Variants in GPC5 observed in about 807,000 individuals in gnomAD.
The protein encoded by GPC5 is glypican-5.
GPC5 carries 47 observed loss-of-function variants against 53.9 expected under a neutral mutation model. That is an observed-to-expected ratio of 0.87 (90% CI 0.69 to 1.11). The LOEUF is 1.11. Among genes scored for constraint, GPC5 ranks in the 50% most tolerant of loss-of-function variants. GPC5 has a pLI of 0.00. For synonymous variants in GPC5, 286 were observed against 263.3 expected, an observed-to-expected ratio of 1.09 and a Z score of -0.84; for missense variants, 748 against 713.1, an observed-to-expected ratio of 1.05 and a Z score of -0.56.
chr13:91,683,502 C>T (rs986812997), intron 2 of GPC5, among the ~76,000 whole-genome samples: 1 of 152,178 alleles, frequency 6.6e-6, no homozygotes, highest in Non-Finnish European at 1.5e-5. Flanking sequence ...TGCTCCTATG[C>T]TCCCCTGGCA....
At chr13:92,588,632 C>T (rs1018079296) in intron 7 of GPC5, among the ~76,000 whole-genome samples, 6 of 152,162 alleles carry the variant, frequency 3.9e-5, no homozygotes, top group African/African-American at 1.2e-4. Context: ...TGGCCCTGTC[C>T]TTTCTATGTG....
At chr13:92,216,601 T>A (rs1046773875) in intron 7 of GPC5, among the ~76,000 whole-genome samples, 22 of 152,158 alleles carry the variant, frequency 1.4e-4, no homozygotes, top group African/African-American at 5.3e-4. Flanking sequence ...ATAGCTAATA[T>A]TTATAGAGCA....
At chr13:91,921,172 G>GGT (rs1234834960) in intron 6 of GPC5, among the ~76,000 whole-genome samples, 1 of 151,870 alleles carries the variant, frequency 6.6e-6, no homozygotes, top group Non-Finnish European at 1.5e-5. Flanking sequence ...CTTGACCTCA[G>GGT]GTGATTCATC....
At chr13:92,692,939 C>G (rs933625152) in intron 7 of GPC5, among the ~76,000 whole-genome samples, 7 of 151,650 alleles carry the variant, frequency 4.6e-5, no homozygotes, top group African/African-American at 1.5e-4. Context: ...AGGGAGAGAC[C>G]TGGTGGGAGG....
chr13:92,778,520 CA>C (rs1269765007), intron 7 of GPC5, among the ~76,000 whole-genome samples: 1 of 152,214 alleles, frequency 6.6e-6, no homozygotes, highest in African/African-American at 2.4e-5. Flanking sequence ...ATTTAAGAAA[CA>C]GATAACATGT....
chr13:92,421,891 T>C (rs1483772525), intron 7 of GPC5, among the ~76,000 whole-genome samples: 1 of 151,830 alleles, frequency 6.6e-6, no homozygotes. Flanking sequence ...GTAAGAACTC[T>C]ATCACGATAA....
At chr13:92,316,054 A>C (rs187194268) in intron 7 of GPC5, among the ~76,000 whole-genome samples, 1 of 152,324 alleles carries the variant, frequency 6.6e-6, no homozygotes, top group African/African-American at 2.4e-5. Context: ...GAATTCGATC[A>C]GAGGGTTTTT....
chr13:91,942,182 C>G (rs1594677500), intron 6 of GPC5, among the ~76,000 whole-genome samples: 1 of 152,014 alleles, frequency 6.6e-6, no homozygotes, highest in Admixed American at 6.6e-5. Flanking sequence ...TTTATGTAAG[C>G]TTCAATTTAC....
intron 7 of GPC5, among the ~76,000 whole-genome samples, chr13:92,357,113 A>G (rs1482267457): frequency 6.6e-6 from 1 of 151,762 alleles, no homozygotes; most frequent in Non-Finnish European, 1.5e-5. Flanking sequence ...TATCCAATGT[A>G]TCATTGATGG....
intron 7 of GPC5, among the ~76,000 whole-genome samples, chr13:92,551,818 T>G (rs1400961987): frequency 6.6e-6 from 1 of 151,764 alleles, no homozygotes; most frequent in East Asian, 1.9e-4. Context: ...AATAGAAAAC[T>G]AATCAAAATT....
intron 7 of GPC5, among the ~76,000 whole-genome samples, chr13:92,861,973 C>A (rs1410052093): frequency 6.6e-6 from 1 of 152,172 alleles, no homozygotes. Flanking sequence ...AAAATGCTCT[C>A]ATTTGAAAGT....
chr13:92,051,118 C>G (rs1056051880), intron 6 of GPC5, among the ~76,000 whole-genome samples: 2 of 151,750 alleles, frequency 1.3e-5, no homozygotes, highest in African/African-American at 4.8e-5. Context: ...ACATATGACT[C>G]TTTCAGGGAA....
At chr13:92,565,068 A>G (rs1164739748) in intron 7 of GPC5, among the ~76,000 whole-genome samples, 9 of 152,010 alleles carry the variant, frequency 5.9e-5, no homozygotes, top group Admixed American at 5.9e-4. Context: ...GTAAAAATGC[A>G]CTCATTTCCC....
chr13:92,672,773 T>C (rs977638210), intron 7 of GPC5, among the ~76,000 whole-genome samples: 2 of 152,066 alleles, frequency 1.3e-5, no homozygotes, highest in Non-Finnish European at 1.5e-5. Context: ...CTTAGCAAAC[T>C]AACATAGGAA....
intron 6 of GPC5, among the ~76,000 whole-genome samples, chr13:92,134,013 G>T (rs1250592163): frequency 1.3e-5 from 2 of 152,032 alleles, no homozygotes; most frequent in African/African-American, 4.8e-5. Context: ...ATTGCTTACT[G>T]GGAAATGCAT....
chr13:91,730,651 A>T (rs1404029711), intron 4 of GPC5, among the ~76,000 whole-genome samples: 2 of 152,224 alleles, frequency 1.3e-5, no homozygotes, highest in Non-Finnish European at 2.9e-5. Context: ...AAACAGGCTT[A>T]ACTGGACTCA....
At chr13:91,503,780 A>AATAAT (rs1884780559) in intron 2 of GPC5, among the ~76,000 whole-genome samples, 1 of 132,898 alleles carries the variant, frequency 7.5e-6, no homozygotes, top group African/African-American at 2.9e-5. Context: ...CTCTGTCTCA[A>AATAAT]AATAATAATA....
At chr13:91,709,463 G>A (rs342690) in intron 3 of GPC5, among the ~76,000 whole-genome samples, 5,934 of 152,118 alleles carry the variant, frequency 0.039, 157 homozygotes, top group Middle Eastern at 0.12. Context: ...CTTCTCTCAT[G>A]ACTCTTGTTG....
intron 6 of GPC5, among the ~76,000 whole-genome samples, chr13:92,087,197 T>C (rs2041342598): frequency 6.6e-6 from 1 of 152,368 alleles, no homozygotes; most frequent in African/African-American, 2.4e-5. Context: ...CTTTCTTTAA[T>C]GCCCTGATCC....
Sources: allele counts gnomAD v4.1 joint callset (sites outside exome capture counted in the v4.1 genomes callset), GRCh38; gene constraint gnomAD v4.1.1; transcripts MANE v1.5; gene names NCBI Gene and HGNC (gene_info 2026-07-23, HGNC 2026-07-21).